Variants in SLC12A7 observed in about 807,000 individuals in gnomAD.
The protein encoded by SLC12A7 is K-Cl cotransporter 4.
In SLC12A7, 100 loss-of-function variants were observed where a neutral mutation model predicts 120.6. That is an observed-to-expected ratio of 0.83 (90% CI 0.71 to 0.98). The LOEUF is 0.98. SLC12A7 is among the 50% of genes least tolerant of loss of function. The probability of loss-of-function intolerance (pLI) is 0.00; values close to 1 mark genes in which losing one functional copy is unlikely to be tolerated. For missense variants in SLC12A7, 1,373 were observed against 1,548.1 expected, an observed-to-expected ratio of 0.89 and a Z score of 1.90; for synonymous variants, 760 against 678.0, an observed-to-expected ratio of 1.12 and a Z score of -1.88.
chr5:1,062,582 G>A (rs1013564538), intron 20 of SLC12A7, among the ~76,000 whole-genome samples: 6 of 152,148 alleles, frequency 3.9e-5, no homozygotes, highest in African/African-American at 1.4e-4. Flanking sequence ...AACACAGAAG[G>A]TTGTCGGTGA....
At chr5:1,111,758 G>T in intron 1 of SLC12A7, 110 bp downstream of exon 1, 1 of 1,070,806 alleles carries the variant, frequency 9.3e-7, no homozygotes, top group Non-Finnish European at 1.2e-6. Flanking sequence ...CGCGGGAAGG[G>T]GCGCCTCCTG....
At chr5:1,108,356 T>C (rs1742725452) in intron 1 of SLC12A7, among the ~76,000 whole-genome samples, 1 of 152,232 alleles carries the variant, frequency 6.6e-6, no homozygotes, top group Non-Finnish European at 1.5e-5. Flanking sequence ...TTGTTTCCTT[T>C]GGTTTTAAAA....
chr5:1,099,610 A>G (rs1249581251), intron 1 of SLC12A7, among the ~76,000 whole-genome samples: 4 of 152,156 alleles, frequency 2.6e-5, no homozygotes, highest in Admixed American at 2.6e-4. Flanking sequence ...CCTCCTCCCG[A>G]AGACGAACCC....
chr5:1,091,694 A>G (rs1016862027), intron 3 of SLC12A7, among the ~76,000 whole-genome samples: 4 of 151,548 alleles, frequency 2.6e-5, no homozygotes, highest in South Asian at 2.1e-4. Flanking sequence ...CTGAGTGCTG[A>G]GCCCGGCACA....
At chr5:1,070,028 C>A (rs1352630269) in intron 17 of SLC12A7, among the ~76,000 whole-genome samples, 1 of 47,552 alleles carries the variant, frequency 2.1e-5, no homozygotes, top group Admixed American at 2.6e-4. Context: ...GGGCATCACA[C>A]TTATGCAGCC....
intron 1 of SLC12A7, among the ~76,000 whole-genome samples, chr5:1,099,505 G>GACATCAACCCAGCCCCGAGCCAGTC (rs1741780680): frequency 2.0e-5 from 3 of 151,666 alleles, no homozygotes; most frequent in Admixed American, 6.6e-5. Flanking sequence ...CCGGGGGACG[G>GACATCAACCCAGCCCCGAGCCAGTC]CAGGCATCCT....
At chr5:1,100,346 C>T (rs1368863379) in intron 1 of SLC12A7, among the ~76,000 whole-genome samples, 3 of 152,226 alleles carry the variant, frequency 2.0e-5, no homozygotes, top group African/African-American at 7.2e-5. Flanking sequence ...GAAAGAAGCC[C>T]ATGTAAAGGC....
rs1491267212 is a variant in SLC12A7, at chr5:1,061,159, CGT to C, written c.2740-710_2740-709del. On this transcript the variant is annotated intron_variant, in intron 20 of 23. Coordinates refer to ENST00000264930, the MANE Select transcript of SLC12A7 (RefSeq NM_006598.3). Reference sequence around the variant, plus strand: ...CCTGCGTCTCACCCGCCGCACCCGCCGTGCGGGACCCCTGCGTCTCACCCACC... The same window carrying C: ...CCTGCGTCTCACCCGCCGCACCCGCCGCGGGACCCCTGCGTCTCACCCACC... Among the ~76,000 whole-genome samples, 2 of 36,022 alleles carry C rather than the reference CGT, an allele frequency of 5.6e-5. 1 individual carries two copies. The highest frequency in any genetic ancestry group is 3.1e-4 in the Non-Finnish European group (2 of 6,556). 23.6% of individuals were successfully genotyped at this position (36,022 alleles called of 152,430 possible).
intron 7 of SLC12A7, among the ~76,000 whole-genome samples, chr5:1,084,341 G>A (rs144759541): frequency 6.6e-4 from 101 of 152,308 alleles, no homozygotes; most frequent in Admixed American, 2.6e-3. Context: ...GAGTAGTGAG[G>A]TGGAACCCAG....
chr5:1,059,726 C>T (rs1442893096), intron 21 of SLC12A7, among the ~76,000 whole-genome samples: 1 of 145,054 alleles, frequency 6.9e-6, no homozygotes, highest in Non-Finnish European at 1.5e-5. Flanking sequence ...AGGCGGCCAG[C>T]TTCCACGCAC....
intron 1 of SLC12A7, among the ~76,000 whole-genome samples, chr5:1,100,239 G>A (rs1012840655): frequency 6.6e-6 from 1 of 152,230 alleles, no homozygotes; most frequent in East Asian, 1.9e-4. Flanking sequence ...GCAGGGGCTG[G>A]TACCCTCCGC....
the SLC12A7 span, among the ~76,000 whole-genome samples, chr5:1,144,121 C>T: frequency 1.2e-4 from 18 of 152,296 alleles, no homozygotes; most frequent in African/African-American, 4.3e-4. Flanking sequence ...GGGACCTGGA[C>T]GCACCCACCA....
rs41280368 is a variant in SLC12A7 at position 1,074,747 on chromosome 5, G to C, written c.1968-76C>G. 13,413 of 1,390,470 alleles carry C rather than the reference G, an allele frequency of 9.6e-3. 87 individuals are homozygous for C. The highest frequency in any genetic ancestry group is 0.012 in the Non-Finnish European group (11,696 of 1,003,394). The allele number at this position is 1,390,470 out of a possible 1,614,324, so 86.1% of individuals were successfully genotyped here. On this transcript the variant is annotated intron_variant, in intron 15 of 23. Coordinates refer to ENST00000264930, the MANE Select transcript of SLC12A7 (RefSeq NM_006598.3). ...CTCCCACCTGGGAAAGGGGACTTCT[G>C]GGGGCAGGTGAGTTGGGGCAAACAG...
At chr5:1,135,786 G>T in the SLC12A7 span, among the ~76,000 whole-genome samples, 1 of 152,208 alleles carries the variant, frequency 6.6e-6, no homozygotes, top group African/African-American at 2.4e-5. Context: ...GAACACACCA[G>T]GTCTCTTGCA....
the SLC12A7 span, among the ~76,000 whole-genome samples, chr5:1,124,159 C>T: frequency 1.3e-5 from 2 of 152,244 alleles, no homozygotes; most frequent in African/African-American, 4.8e-5. Context: ...GCTCCAACAA[C>T]TAGCAACAGC....
At chr5:1,060,502 T>C (rs1003194609) in intron 20 of SLC12A7, 51 bp from the exon 21 acceptor site, 1 of 1,390,070 alleles carries the variant, frequency 7.2e-7, no homozygotes, top group Non-Finnish European at 1.0e-6. Context: ...GAACCACGGA[T>C]GGCTCCAACA....
the SLC12A7 span, among the ~76,000 whole-genome samples, chr5:1,127,368 G>A: frequency 6.6e-6 from 1 of 152,252 alleles, no homozygotes; most frequent in Non-Finnish European, 1.5e-5. Flanking sequence ...CAAAAGGCAA[G>A]GGCCACAGAG....
At chr5:1,085,577 G>T in intron 6 of SLC12A7, 104 bp from the exon 7 acceptor site, 2 of 1,438,264 alleles carry the variant, frequency 1.4e-6, no homozygotes, top group Non-Finnish European at 1.8e-6. Context: ...CTCCCAACAG[G>T]TGCCGGGGCC....
chr5:1,119,013 C>T, the SLC12A7 span, among the ~76,000 whole-genome samples: 3 of 152,090 alleles, frequency 2.0e-5, no homozygotes, highest in Admixed American at 6.5e-5. Flanking sequence ...GGGGCACAGA[C>T]GACTGCTCCC....
Sources: allele counts gnomAD v4.1 joint callset (sites outside exome capture counted in the v4.1 genomes callset), GRCh38; gene constraint gnomAD v4.1.1; transcripts MANE v1.5; gene names NCBI Gene and HGNC (gene_info 2026-07-23, HGNC 2026-07-21).